CCDC102B: variants seen among roughly 807,000 people sequenced by gnomAD.
The protein encoded by CCDC102B is coiled-coil domain containing 102B, also known as coiled-coil domain-containing protein 102B.
A neutral mutation model predicts 57.4 loss-of-function variants in CCDC102B; 75 were observed. The ratio of observed to expected loss-of-function variants is 1.31; its 90% CI spans 1.08 to 1.58. CCDC102B has a LOEUF of 1.58. CCDC102B is among the 40% of genes most tolerant of loss of function. CCDC102B has a pLI of 0.00. For missense variants in CCDC102B, 636 were observed against 582.6 expected, an observed-to-expected ratio of 1.09 and a Z score of -0.94; for synonymous variants, 206 against 201.9, an observed-to-expected ratio of 1.02 and a Z score of -0.17.
At chr18:68,980,394 T>TG (rs1320838697) in intron 6 of CCDC102B, among the ~76,000 whole-genome samples, 1 of 142,272 alleles carries the variant, frequency 7.0e-6, no homozygotes, top group African/African-American at 2.8e-5. Context: ...TAGGTCTTGG[T>TG]GAAAAAAAAA....
chr18:68,954,440 A>G (rs1240890820), intron 6 of CCDC102B, among the ~76,000 whole-genome samples: 3 of 152,166 alleles, frequency 2.0e-5, no homozygotes, highest in African/African-American at 7.2e-5. Flanking sequence ...ATAATAATAA[A>G]GAAGAATGGA....
chr18:68,903,085 G>A (rs761686390), intron 6 of CCDC102B, among the ~76,000 whole-genome samples: 1 of 152,138 alleles, frequency 6.6e-6, no homozygotes, highest in African/African-American at 2.4e-5. Flanking sequence ...TCATAGATGC[G>A]TGAAGAGAGG....
chr18:68,950,174 C>T (rs965729571), intron 6 of CCDC102B, among the ~76,000 whole-genome samples: 2 of 152,000 alleles, frequency 1.3e-5, no homozygotes, highest in Non-Finnish European at 2.9e-5. Context: ...CTTGGTAATG[C>T]CTTTTTTTCT....
chr18:69,038,428 G>A (rs1189038971), intron 7 of CCDC102B, among the ~76,000 whole-genome samples: 1 of 151,746 alleles, frequency 6.6e-6, no homozygotes, highest in Non-Finnish European at 1.5e-5. Flanking sequence ...AGGGCTTTTG[G>A]TATGGCTTTG....
chr18:68,734,306 G>A (rs1345476457), intron 2 of CCDC102B, among the ~76,000 whole-genome samples: 1 of 152,186 alleles, frequency 6.6e-6, no homozygotes, highest in East Asian at 1.9e-4. Flanking sequence ...AGAAGTGCCT[G>A]TCTGTAAGTT....
intron 6 of CCDC102B, among the ~76,000 whole-genome samples, chr18:68,971,682 A>G (rs1177629813): frequency 2.0e-5 from 3 of 152,174 alleles, no homozygotes; most frequent in African/African-American, 7.2e-5. Flanking sequence ...CTAAAAGAAC[A>G]AACGATGTGC....
intron 4 of CCDC102B, among the ~76,000 whole-genome samples, chr18:68,853,818 A>G (rs997498770): frequency 7.9e-5 from 12 of 151,974 alleles, no homozygotes; most frequent in African/African-American, 2.9e-4. Flanking sequence ...ACATTGTGCT[A>G]TAAGCACACA....
chr18:68,904,496 A>G (rs1295841896), intron 6 of CCDC102B, among the ~76,000 whole-genome samples: 1 of 152,202 alleles, frequency 6.6e-6, no homozygotes, highest in Non-Finnish European at 1.5e-5. Flanking sequence ...GAGTGGAACA[A>G]TGGTCTTTTG....
chr18:68,980,838 T>C (rs578080155), intron 6 of CCDC102B, among the ~76,000 whole-genome samples: 4 of 152,024 alleles, frequency 2.6e-5, no homozygotes, highest in Non-Finnish European at 5.9e-5. Context: ...TTTGGGAACG[T>C]GTAGGACATC....
At chr18:68,953,355 CT>C (rs5825890) in intron 6 of CCDC102B, among the ~76,000 whole-genome samples, 4,049 of 125,450 alleles carry the variant, frequency 0.032, 62 homozygotes, top group African/African-American at 0.082. Flanking sequence ...CAATACTTGT[CT>C]TTTTTTTTTT....
intron 2 of CCDC102B, among the ~76,000 whole-genome samples, chr18:68,716,914 T>C (rs2145176033): frequency 6.6e-6 from 1 of 151,822 alleles, no homozygotes; most frequent in Non-Finnish European, 1.5e-5. Flanking sequence ...CCGTCTCTAC[T>C]AAGAATACAG....
chr18:69,019,050 G>T (rs1035550386), intron 7 of CCDC102B, among the ~76,000 whole-genome samples: 2 of 151,986 alleles, frequency 1.3e-5, no homozygotes, highest in African/African-American at 2.4e-5. Context: ...ACCATATATT[G>T]ATGGGTTCAT....
chr18:69,013,366 G>A (rs1374860967), intron 7 of CCDC102B, among the ~76,000 whole-genome samples: 3 of 152,002 alleles, frequency 2.0e-5, no homozygotes, highest in Admixed American at 1.3e-4. Flanking sequence ...AGACAATGGC[G>A]ACTCGGAAAG....
In CCDC102B at chr18:68,897,232, A is replaced by C. The variant is rs1303012595; in HGVS notation, c.1067A>C (p.Gln356Pro). 6.2e-7 allele frequency: 1 copy of C among 1,612,004 alleles called. No homozygotes were observed. Among genetic ancestry groups the C allele is most frequent in the East Asian group, 2.2e-5 (1 of 44,864 alleles). ...CELRAELERLQAENTSEWDKR... is the reference protein window; with the variant it reads ...CELRAELERLPAENTSEWDKR... Reference sequence around the variant, plus strand: ...TTCTGTGTGTAGCTAGAGAGATTGCAAGCTGAAAATACCTCGGAGTGGGAC... The same window carrying C: ...TTCTGTGTGTAGCTAGAGAGATTGCCAGCTGAAAATACCTCGGAGTGGGAC... Residue 356 changes from glutamine (Q) to proline (P), a missense_variant, in exon 6 of 8, where the codon CAA becomes CCA. Coordinates refer to ENST00000360242, the MANE Select transcript of CCDC102B (RefSeq NM_024781.3).
intron 6 of CCDC102B, among the ~76,000 whole-genome samples, chr18:68,961,607 C>T (rs894825842): frequency 3.3e-5 from 5 of 151,844 alleles, no homozygotes; most frequent in African/African-American, 1.2e-4. Context: ...CTTTAGAGTG[C>T]ACCTATAAAA....
chr18:69,050,315 A>G (rs2052674579), intron 7 of CCDC102B, among the ~76,000 whole-genome samples: 1 of 152,144 alleles, frequency 6.6e-6, no homozygotes, highest in Non-Finnish European at 1.5e-5. Context: ...TGAATCTATC[A>G]TTTCTGCTTC....
intron 4 of CCDC102B, among the ~76,000 whole-genome samples, chr18:68,871,622 T>G: frequency 6.6e-6 from 1 of 152,082 alleles, no homozygotes; most frequent in East Asian, 1.9e-4. Flanking sequence ...ATATTTTATT[T>G]ATTACTTATT....
intron 4 of CCDC102B, among the ~76,000 whole-genome samples, chr18:68,866,094 G>T (rs766571180): frequency 2.6e-5 from 4 of 152,118 alleles, no homozygotes; most frequent in African/African-American, 7.2e-5. Context: ...ATTAAGAGAT[G>T]AATTTCTAGT....
chr18:69,036,789 G>T (rs73967774), intron 7 of CCDC102B, among the ~76,000 whole-genome samples: 4,198 of 152,054 alleles, frequency 0.028, 206 homozygotes, highest in African/African-American at 0.094. Context: ...GGTACAAGTG[G>T]CAGTATTAAA....
Sources: allele counts gnomAD v4.1 joint callset (sites outside exome capture counted in the v4.1 genomes callset), GRCh38; gene constraint gnomAD v4.1.1; transcripts MANE v1.5; gene names NCBI Gene and HGNC (gene_info 2026-07-23, HGNC 2026-07-21).